Variants in LRBA observed in about 807,000 individuals in gnomAD.
LRBA encodes LPS responsive beige-like anchor protein.
In LRBA, 176 loss-of-function variants were observed where a neutral mutation model predicts 330.0. The ratio of observed to expected loss-of-function variants is 0.53; its 90% CI spans 0.47 to 0.60. The LOEUF (loss-of-function observed/expected upper bound fraction) is 0.60. Ranked by LOEUF, LRBA falls within the 20% of genes least tolerant of loss-of-function variation. The pLI, the probability that LRBA is intolerant of heterozygous loss-of-function variation, is 0.00. For missense variants in LRBA, 3,259 were observed against 3,444.8 expected (o/e 0.95, Z 1.35); for synonymous variants, 1,230 against 1,193.0 (o/e 1.03, Z -0.64).
At chr4:150,965,304 A>C (rs1377380841) in intron 2 of LRBA, among the ~76,000 whole-genome samples, 1 of 152,224 alleles carries the variant, frequency 6.6e-6, no homozygotes, top group Non-Finnish European at 1.5e-5. Context: ...TTAAAAATAC[A>C]GAAGCTCTGT....
intron 44 of LRBA, among the ~76,000 whole-genome samples, chr4:150,439,832 T>C (rs1751587991): frequency 6.6e-6 from 1 of 152,306 alleles, no homozygotes; most frequent in African/African-American, 2.4e-5. Context: ...CATTCTACCA[T>C]GCTGGCCCAC....
At chr4:150,540,799 A>G (rs1765237226) in intron 40 of LRBA, among the ~76,000 whole-genome samples, 1 of 152,216 alleles carries the variant, frequency 6.6e-6, no homozygotes, top group Non-Finnish European at 1.5e-5. Context: ...AATCAACTTT[A>G]AAGAACATCT....
chr4:150,651,357 T>C (rs1396488158), intron 37 of LRBA, among the ~76,000 whole-genome samples: 2 of 152,172 alleles, frequency 1.3e-5, no homozygotes, highest in Non-Finnish European at 2.9e-5. Flanking sequence ...AACCACTGAA[T>C]GGAACCCCAA....
chr4:150,338,091 G>A (rs1734980366), intron 48 of LRBA, among the ~76,000 whole-genome samples: 1 of 152,144 alleles, frequency 6.6e-6, no homozygotes, highest in African/African-American at 2.4e-5. Context: ...AGACCTCAGA[G>A]TGATTACGCA....
At chr4:150,348,076 G>C (rs1177624645) in intron 48 of LRBA, among the ~76,000 whole-genome samples, 1 of 152,214 alleles carries the variant, frequency 6.6e-6, no homozygotes, top group Admixed American at 6.5e-5. Context: ...AGACAGTGCA[G>C]ATAGAGAACA....
intron 17 of LRBA, among the ~76,000 whole-genome samples, chr4:150,888,995 TCTCAA>T (rs1380614014): frequency 1.3e-5 from 2 of 152,154 alleles, no homozygotes; most frequent in Non-Finnish European, 2.9e-5. Flanking sequence ...GCTTGGTATG[TCTCAA>T]CTCAGAAGAG....
intron 44 of LRBA, among the ~76,000 whole-genome samples, chr4:150,437,900 T>G (rs1751330998): frequency 6.6e-6 from 1 of 152,234 alleles, no homozygotes; most frequent in African/African-American, 2.4e-5. Context: ...ACCTGTATCT[T>G]TATTATTGCT....
intron 37 of LRBA, among the ~76,000 whole-genome samples, chr4:150,637,596 G>C (rs946763779): frequency 1.3e-5 from 2 of 152,112 alleles, no homozygotes; most frequent in Admixed American, 1.3e-4. Context: ...TCTCTTGATG[G>C]CTTTGATGAA....
chr4:150,403,167 C>T (rs144130343), intron 47 of LRBA, among the ~76,000 whole-genome samples: 121 of 152,328 alleles, frequency 7.9e-4, no homozygotes, highest in African/African-American at 2.5e-3. Context: ...ACTGCAGGTG[C>T]CATGGCCCAG....
chr4:150,687,648 C>T (rs1783744408), intron 36 of LRBA, among the ~76,000 whole-genome samples: 1 of 151,932 alleles, frequency 6.6e-6, no homozygotes, highest in Admixed American at 6.6e-5. Flanking sequence ...ATAAATAAAC[C>T]TCCACAGAAG....
chr4:150,665,397 T>C (rs749675140), intron 37 of LRBA, among the ~76,000 whole-genome samples: 4 of 151,944 alleles, frequency 2.6e-5, no homozygotes, highest in Non-Finnish European at 4.4e-5. Flanking sequence ...TGTTTACTAT[T>C]CAAATTCCCA....
chr4:150,588,142 G>A lies in LRBA; in HGVS notation c.6236C>T (p.Ser2079Phe), dbSNP rs751365057. The change falls in exon 40 of 57, where the codon TCT becomes TTT. Residue 2079 changes from serine (S) to phenylalanine (F), a missense_variant. Coordinates refer to ENST00000651943, the MANE Select transcript of LRBA (RefSeq NM_001364905.1). ...AGAAAGAGTGCCCTTTACTACAACA[G>A]AGGGGGCCACAAGCTGAGCTGGTGT... is the stretch of plus-strand genomic sequence containing the variant. ...LSTPAQLVAPSVVVKGTLSVT... is the reference protein window; with the variant it reads ...LSTPAQLVAPFVVVKGTLSVT... 1.9e-6 allele frequency: 3 copies of A among 1,611,520 alleles called. No individual in the cohort carries two copies. Among genetic ancestry groups the A allele is most frequent in the South Asian group, 2.2e-5 (2 of 90,272 alleles).
At chr4:150,922,823 A>G (rs1232786033) in intron 4 of LRBA, among the ~76,000 whole-genome samples, 1 of 152,138 alleles carries the variant, frequency 6.6e-6, no homozygotes, top group Non-Finnish European at 1.5e-5. Context: ...CAAAAACACT[A>G]AAATATTTTA....
At chr4:150,880,950 T>A (rs1433756782) in intron 17 of LRBA, among the ~76,000 whole-genome samples, 1 of 152,132 alleles carries the variant, frequency 6.6e-6, no homozygotes, top group Non-Finnish European at 1.5e-5. Flanking sequence ...TTAATTAACA[T>A]CGCTAATCAT....
At chr4:150,907,587 G>C (rs1039525339) in intron 11 of LRBA, among the ~76,000 whole-genome samples, 1 of 151,984 alleles carries the variant, frequency 6.6e-6, no homozygotes, top group African/African-American at 2.4e-5. Context: ...ATCAAGTTAT[G>C]TATAAAAGCA....
intron 28 of LRBA, among the ~76,000 whole-genome samples, chr4:150,840,225 T>G (rs113023304): frequency 2.0e-5 from 3 of 152,380 alleles, no homozygotes; most frequent in African/African-American, 7.2e-5. Flanking sequence ...ATCAGTCATT[T>G]GCTCACTGGA....
chr4:150,294,752 C>A (rs923501816), intron 53 of LRBA, among the ~76,000 whole-genome samples: 1 of 152,150 alleles, frequency 6.6e-6, no homozygotes, highest in East Asian at 1.9e-4. Flanking sequence ...GAGATTGAGA[C>A]CATCATGGCC....
intron 56 of LRBA, among the ~76,000 whole-genome samples, chr4:150,274,075 C>A (rs57529227): frequency 6.6e-6 from 1 of 152,096 alleles, no homozygotes; most frequent in Admixed American, 6.5e-5. Context: ...CACTCCTCAG[C>A]AAATGCAAAA....
At chr4:150,354,345 G>A (rs1737551015) in intron 47 of LRBA, among the ~76,000 whole-genome samples, 1 of 151,940 alleles carries the variant, frequency 6.6e-6, no homozygotes, top group African/African-American at 2.4e-5. Flanking sequence ...ATTTTTCAAA[G>A]CCTTCAAAAC....
Sources: gnomAD v4.1 joint callset for allele counts (sites outside exome capture counted in the v4.1 genomes callset) on GRCh38, gnomAD v4.1.1 for gene constraint, MANE v1.5 for transcripts, NCBI Gene and HGNC (gene_info 2026-07-23, HGNC 2026-07-21) for gene names.